Variants in CPEB4 observed in about 807,000 individuals in gnomAD.
The protein encoded by CPEB4 is cytoplasmic polyadenylation element-binding protein 4.
CPEB4 carries 12 observed loss-of-function variants against 72.5 expected under a neutral mutation model. The ratio of observed to expected loss-of-function variants is 0.17; its 90% CI spans 0.11 to 0.27. CPEB4 has a LOEUF of 0.27. CPEB4 is among the 10% of genes least tolerant of loss of function. CPEB4 has a pLI of 1.00. For synonymous variants in CPEB4, 302 were observed against 326.3 expected (o/e 0.93, Z 0.80); for missense variants, 614 against 908.5 (o/e 0.68, Z 4.17).
At position 173,950,465 on chromosome 5, in the gene CPEB4, C is replaced by T. The variant is rs1758177142; in HGVS notation, c.1665+387C>T. Among the ~76,000 whole-genome samples, 1 of 151,980 alleles carries T rather than the reference C, an allele frequency of 6.6e-6. No homozygotes were observed. The highest frequency in any genetic ancestry group is 6.6e-5 in the Admixed American group (1 of 15,248). ...ACTGAAAATACAAAAATTAGCCAGG[C>T]ATGGTGGCGCACATCTGTAGTCCCA... On this transcript the variant is annotated intron_variant, in intron 7 of 9. Coordinates refer to ENST00000265085, the MANE Select transcript of CPEB4 (RefSeq NM_030627.4). The surrounding 1 kb of genome is among the most constrained non-coding windows in gnomAD (Gnocchi z 5.0).
In CPEB4 at chr5:173,910,611, T is replaced by G; in HGVS notation, c.1207+7T>G. The G allele has an allele frequency of 6.5e-7, 1 of 1,538,354 alleles. No homozygotes were observed. Among genetic ancestry groups the G allele is most frequent in the Non-Finnish European group, 9.0e-7 (1 of 1,111,260 alleles). On this transcript the variant is annotated splice_region_variant and intron_variant, in intron 2 of 9. Coordinates refer to ENST00000265085, the MANE Select transcript of CPEB4 (RefSeq NM_030627.4). Reference sequence around the variant, plus strand: ...GAAAATGATACCATTAAAGGTAAGTTTAGAAATATACCCAATTGATTTCAG... The same window carrying G: ...GAAAATGATACCATTAAAGGTAAGTGTAGAAATATACCCAATTGATTTCAG...
chr5:173,941,662 C>T (rs1053373292), intron 3 of CPEB4, among the ~76,000 whole-genome samples: 2 of 151,978 alleles, frequency 1.3e-5, no homozygotes, highest in African/African-American at 4.8e-5. Flanking sequence ...CACTTGAGAT[C>T]AGGAGTTCGA....
chr5:173,930,203 G>A (rs113932433), intron 2 of CPEB4, among the ~76,000 whole-genome samples: 33,767 of 151,908 alleles, frequency 0.22, 4,972 homozygotes, highest in Non-Finnish European at 0.31. Flanking sequence ...GATTACAAGC[G>A]TGCACCACCA....
intron 2 of CPEB4, among the ~76,000 whole-genome samples, chr5:173,914,661 C>A (rs1756797883): frequency 6.6e-6 from 1 of 152,090 alleles, no homozygotes. Flanking sequence ...GAGGGTGAGG[C>A]AGGAGAATTG....
chr5:173,921,441 G>T (rs1309168364), intron 2 of CPEB4, among the ~76,000 whole-genome samples: 1 of 152,198 alleles, frequency 6.6e-6, no homozygotes, highest in Admixed American at 6.5e-5. Context: ...ATGGTGAGGA[G>T]GAGGACAGGG....
At chr5:173,911,609 C>T (rs17695127) in intron 2 of CPEB4, among the ~76,000 whole-genome samples, 3,052 of 150,036 alleles carry the variant, frequency 0.02, 48 homozygotes, top group Non-Finnish European at 0.031. Flanking sequence ...GGCCTTTCCT[C>T]TGATTTTGGG....
chr5:173,954,807 G>T (rs1025568194), intron 9 of CPEB4, among the ~76,000 whole-genome samples: 2 of 152,174 alleles, frequency 1.3e-5, no homozygotes, highest in South Asian at 4.1e-4. Flanking sequence ...GAAATCCTTT[G>T]CCCAGTGTTC....
intron 3 of CPEB4, among the ~76,000 whole-genome samples, chr5:173,937,019 C>CTTTTTTTTT (rs150187685): frequency 1.0e-5 from 1 of 97,214 alleles, no homozygotes; most frequent in Non-Finnish European, 2.0e-5. Context: ...CATTTCTTTC[C>CTTTTTTTTT]TTTTTTTTTT....
chr5:173,929,680 AG>A (rs1292181922), intron 2 of CPEB4, among the ~76,000 whole-genome samples: 2 of 152,324 alleles, frequency 1.3e-5, no homozygotes, highest in East Asian at 3.9e-4. Context: ...CCTGGGCAAC[AG>A]AGTGAGACCC....
At chr5:173,911,509 G>A (rs1490879931) in intron 2 of CPEB4, among the ~76,000 whole-genome samples, 8 of 151,966 alleles carry the variant, frequency 5.3e-5, no homozygotes, top group Admixed American at 3.9e-4. Context: ...TGATCTGCCC[G>A]CCTCGGCCTC....
intron 2 of CPEB4, among the ~76,000 whole-genome samples, chr5:173,927,106 G>A (rs1194981888): frequency 6.6e-6 from 1 of 152,116 alleles, no homozygotes; most frequent in Non-Finnish European, 1.5e-5. Flanking sequence ...AGCCAAGATC[G>A]TGCCATTGCA....
rs1758398873 is a variant in CPEB4 at position 173,956,929 on chromosome 5, C to T, written c.*792C>T. The stretch of plus-strand genomic sequence containing the variant: ...GGTAAATTTACTACTGAGGGGAGTG[C>T]ACTTATTTATTTAACTTACTTATCT... On this transcript the variant is annotated 3_prime_UTR_variant, in exon 10 of 10. Coordinates refer to ENST00000265085, the MANE Select transcript of CPEB4 (RefSeq NM_030627.4). 1 of 152,490 alleles carries T rather than the reference C, an allele frequency of 6.6e-6. No individual in the cohort carries two copies. Among genetic ancestry groups the T allele is most frequent in the African/African-American group, 2.4e-5 (1 of 41,354 alleles). 9.4% of individuals were successfully genotyped at this position (152,490 alleles called of 1,614,324 possible).
intron 5 of CPEB4, among the ~76,000 whole-genome samples, chr5:173,948,636 T>G (rs952924086): frequency 3.9e-5 from 6 of 152,162 alleles, no homozygotes; most frequent in Admixed American, 3.3e-4. Context: ...CTATCTTAAA[T>G]CTGTTCAGGT....
intron 1 of CPEB4, among the ~76,000 whole-genome samples, chr5:173,908,304 A>G (rs1416596739): frequency 1.3e-5 from 2 of 152,136 alleles, no homozygotes; most frequent in Non-Finnish European, 2.9e-5. Flanking sequence ...AGATGAGGAT[A>G]ATGAGGAAAG....
rs1758543243 is a variant in CPEB4 at position 173,961,322 on chromosome 5, TTTAAG to T, written c.*5186_*5190del. On this transcript the variant is annotated 3_prime_UTR_variant, in exon 10 of 10. Coordinates refer to ENST00000265085, the MANE Select transcript of CPEB4 (RefSeq NM_030627.4). ...AGGCATTCTGGGATGGTTTCACTAT[TTTAAG>T]AAAAGAAAAAAAAGATAGCCCAAGC... 6.6e-6 allele frequency: 1 copy of T among 152,214 alleles called. No individual in the cohort carries two copies. The highest frequency in any genetic ancestry group is 2.1e-4 in the South Asian group (1 of 4,832). The allele number at this position is 152,214 out of a possible 1,614,324, so 9.4% of individuals were successfully genotyped here. A position where few individuals can be genotyped will look rare whatever the true frequency, so the allele number is the denominator to read the frequency against.
chr5:173,928,523 A>G (rs1757329255), intron 2 of CPEB4, among the ~76,000 whole-genome samples: 1 of 152,210 alleles, frequency 6.6e-6, no homozygotes, highest in Admixed American at 6.5e-5. Flanking sequence ...ATAAAAGCAC[A>G]TATTTATATA....
chr5:173,957,345 G>A lies in CPEB4; in HGVS notation c.*1208G>A, dbSNP rs1394234067. ...TTAAAAAAAGTGAAGTAGTTGCAAA[G>A]TGTTTTGCACTGTTGAACTAAGTAA... On this transcript the variant is annotated 3_prime_UTR_variant, in exon 10 of 10. Transcript: ENST00000265085. The A allele has an allele frequency of 1.3e-5, 2 of 152,772 alleles. No individual in the cohort carries two copies. The highest frequency in any genetic ancestry group is 2.9e-5 in the Non-Finnish European group (2 of 68,036). 9.5% of individuals were successfully genotyped at this position (152,772 alleles called of 1,614,324 possible).
rs1026339294 is a variant in CPEB4, at chr5:173,888,773, C to G, written c.-961C>G. 2.4e-5 allele frequency: 9 copies of G among 374,368 alleles called. No individual in the cohort carries two copies. In the East Asian group the frequency reaches 3.4e-4, roughly 14 times the overall value. The allele number at this position is 374,368 out of a possible 1,614,324, so 23.2% of individuals were successfully genotyped here. On this transcript the variant is annotated 5_prime_UTR_variant, in exon 1 of 10. Coordinates refer to ENST00000265085, the MANE Select transcript of CPEB4 (RefSeq NM_030627.4). The surrounding 1 kb of genome is among the most constrained non-coding windows in gnomAD (Gnocchi z 4.3). ...TGGGTCCCATGAGGGAAAAAAACCC[C>G]GGAGCCGCAGAGAGGGGAAGAGGCA...
rs1756181624 is a variant in CPEB4 at position 173,900,308 on chromosome 5, G to A, written c.1125+9450G>A. On this transcript the variant is annotated intron_variant, in intron 1 of 9. Transcript: ENST00000265085. The surrounding 1 kb of genome is among the most constrained non-coding windows in gnomAD (Gnocchi z 4.4). ...TAGTCCCAGCTATTCTGGAGGCTGAGGCAGAATAATCACTTGAACCCAGGA... is the reference window on the plus strand; with the variant it reads ...TAGTCCCAGCTATTCTGGAGGCTGAAGCAGAATAATCACTTGAACCCAGGA... Among the ~76,000 whole-genome samples the A allele has an allele frequency of 6.6e-6, 1 of 152,134 alleles. No individual in the cohort carries two copies. Among genetic ancestry groups the A allele is most frequent in the Non-Finnish European group, 1.5e-5 (1 of 68,026 alleles).
Sources: gnomAD v4.1 joint callset for allele counts (sites outside exome capture counted in the v4.1 genomes callset) on GRCh38, gnomAD v4.1.1 for gene constraint, Gnocchi (gnomAD v3.1) non-coding constraint, MANE v1.5 for transcripts, NCBI Gene and HGNC (gene_info 2026-07-23, HGNC 2026-07-21) for gene names.